Variants in TBC1D32 observed in about 807,000 individuals in gnomAD.
TBC1D32 encodes protein broad-minded.
TBC1D32 carries 151 observed loss-of-function variants against 170.3 expected under a neutral mutation model. The ratio of observed to expected loss-of-function variants is 0.89; its 90% CI spans 0.78 to 1.01. The LOEUF (loss-of-function observed/expected upper bound fraction) is 1.01. Ranked by LOEUF, TBC1D32 falls within the 50% of genes least tolerant of loss-of-function variation. The pLI is 0.00. For synonymous variants in TBC1D32, 498 were observed against 488.0 expected, an observed-to-expected ratio of 1.02 and a Z score of -0.27; for missense variants, 1,464 against 1,457.1, an observed-to-expected ratio of 1.00 and a Z score of -0.08.
chr6:121,259,233 G>C (rs1182987505), intron 15 of TBC1D32, among the ~76,000 whole-genome samples: 1 of 152,072 alleles, frequency 6.6e-6, no homozygotes, highest in Non-Finnish European at 1.5e-5. Flanking sequence ...AGGAGGTGGA[G>C]GTTGCAGTGA....
intron 22 of TBC1D32, 113 bp from the exon 23 acceptor site, chr6:121,161,169 T>A (rs899859559): frequency 2.6e-6 from 2 of 777,810 alleles, no homozygotes; most frequent in African/African-American, 3.5e-5. Context: ...TCAATCTATT[T>A]CTTTTTCTTT....
chr6:121,110,628 T>C lies in TBC1D32; in HGVS notation c.3324+1877A>G, dbSNP rs183133081. ...CTGCAGATTTGTTCATATTATCAAA[T>C]TGCATAGAAACCATCACCACAATGT... On this transcript the variant is annotated intron_variant, in intron 29 of 31. Coordinates refer to ENST00000398212, the MANE Select transcript of TBC1D32 (RefSeq NM_152730.6). 6.2e-3 allele frequency among the ~76,000 whole-genome samples: 942 copies of C among 152,128 alleles called. 2 individuals carry two copies. The highest frequency in any genetic ancestry group is 8.1e-3 in the Non-Finnish European group (554 of 67,996).
rs1307033818 is a variant in TBC1D32, at chr6:121,079,838, A to C, written c.*933T>G. 1 of 152,188 alleles carries C rather than the reference A, an allele frequency of 6.6e-6. No homozygotes were observed. The highest frequency in any genetic ancestry group is 2.4e-5 in the African/African-American group (1 of 41,470). 9.4% of individuals were successfully genotyped at this position (152,188 alleles called of 1,614,324 possible). On this transcript the variant is annotated 3_prime_UTR_variant, in exon 32 of 32. Transcript: ENST00000398212. ...GAAAATGCATAACAAATAAGAGTAG[A>C]ATGCTTATCAGTATGAAATAACCAA...
At chr6:121,328,354 C>T (rs1303714445) in intron 1 of TBC1D32, among the ~76,000 whole-genome samples, 3 of 151,946 alleles carry the variant, frequency 2.0e-5, no homozygotes, top group African/African-American at 2.4e-5. Context: ...GACGCGATCT[C>T]GGCTCTCTGC....
At chr6:121,153,247 C>A (rs1043340650) in intron 24 of TBC1D32, among the ~76,000 whole-genome samples, 1 of 152,116 alleles carries the variant, frequency 6.6e-6, no homozygotes, top group Non-Finnish European at 1.5e-5. Flanking sequence ...TTCTAACAGA[C>A]CCCTCTTCTG....
rs1440381987 is a variant in TBC1D32, at chr6:121,256,282, A to G, written c.1737T>C (p.Pro579=). Residue 579 remains proline, a synonymous_variant, in exon 16 of 32, where the codon CCT becomes CCC. Transcript: ENST00000398212. ...ACTGGGCAATTATATGAGCACCTGT[A>G]GGACTAAAAGATGATACCTGAAAGT... The part of the protein sequence containing the change: ...GANMNSSEES[P]TGAHIIAQFS... The G allele has an allele frequency of 6.2e-7, 1 of 1,607,514 alleles. No homozygotes were observed. Among genetic ancestry groups the G allele is most frequent in the South Asian group, 1.1e-5 (1 of 89,966 alleles).
intron 12 of TBC1D32, among the ~76,000 whole-genome samples, chr6:121,286,543 G>C (rs1273718789): frequency 3.3e-5 from 5 of 152,130 alleles, no homozygotes; most frequent in Non-Finnish European, 4.4e-5. Context: ...ACCTGAAAGT[G>C]ATGGGGAGAA....
intron 20 of TBC1D32, among the ~76,000 whole-genome samples, chr6:121,235,860 G>A (rs1352292545): frequency 6.6e-6 from 1 of 152,224 alleles, no homozygotes; most frequent in South Asian, 2.1e-4. Flanking sequence ...CTGAGCAGGA[G>A]CTGCAAGCTA....
At chr6:121,123,481 T>C (rs532682194) in intron 26 of TBC1D32, among the ~76,000 whole-genome samples, 95 of 152,246 alleles carry the variant, frequency 6.2e-4, no homozygotes, top group African/African-American at 1.9e-3. Flanking sequence ...TTTACCATTA[T>C]ATAATGACCT....
chr6:121,326,911 C>A (rs976892705), intron 1 of TBC1D32, among the ~76,000 whole-genome samples: 7 of 152,146 alleles, frequency 4.6e-5, no homozygotes, highest in African/African-American at 1.7e-4. Context: ...TGAACAGAGT[C>A]ATTTCTTCAA....
intron 24 of TBC1D32, among the ~76,000 whole-genome samples, chr6:121,138,913 C>T (rs1582926836): frequency 6.6e-6 from 1 of 151,246 alleles, no homozygotes; most frequent in South Asian, 2.1e-4. Context: ...AGAGCAATCT[C>T]GGCTCACTGC....
At chr6:121,317,859 A>G (rs1028859587) in intron 2 of TBC1D32, among the ~76,000 whole-genome samples, 187 bp from the exon 3 acceptor site, 4 of 152,130 alleles carry the variant, frequency 2.6e-5, no homozygotes, top group Non-Finnish European at 5.9e-5. Flanking sequence ...AAACAGCAAT[A>G]AAAATTAATA....
chr6:121,220,276 A>G (rs1341589075), intron 21 of TBC1D32, among the ~76,000 whole-genome samples: 1 of 152,228 alleles, frequency 6.6e-6, no homozygotes, highest in Non-Finnish European at 1.5e-5. Context: ...TAAGGAAATT[A>G]AAAGTGTTAC....
chr6:121,149,481 C>T (rs568005857), intron 24 of TBC1D32, among the ~76,000 whole-genome samples: 2 of 152,126 alleles, frequency 1.3e-5, no homozygotes, highest in South Asian at 2.1e-4. Flanking sequence ...CATATGGGGT[C>T]CAGTTTTCTC....
intron 24 of TBC1D32, among the ~76,000 whole-genome samples, chr6:121,139,021 T>C (rs2128223739): frequency 6.6e-6 from 1 of 152,160 alleles, no homozygotes; most frequent in Admixed American, 6.5e-5. Flanking sequence ...ATTTTTTTTG[T>C]ATTTTTAGTA....
chr6:121,159,620 C>T (rs1296911547), intron 24 of TBC1D32, among the ~76,000 whole-genome samples: 2 of 152,094 alleles, frequency 1.3e-5, no homozygotes, highest in African/African-American at 4.8e-5. Flanking sequence ...AACTCTACAC[C>T]TAGGCTACAC....
At chr6:121,147,121 T>G (rs1253369043) in intron 24 of TBC1D32, among the ~76,000 whole-genome samples, 3 of 152,234 alleles carry the variant, frequency 2.0e-5, no homozygotes, top group African/African-American at 2.4e-5. Flanking sequence ...GGCATCCAGC[T>G]GCATCCATGT....
chr6:121,235,622 G>A (rs747043960), intron 20 of TBC1D32, among the ~76,000 whole-genome samples: 1 of 152,180 alleles, frequency 6.6e-6, no homozygotes, highest in Non-Finnish European at 1.5e-5. Context: ...ACAGCACCAA[G>A]TCTATTTCCA....
intron 15 of TBC1D32, among the ~76,000 whole-genome samples, chr6:121,276,537 C>A (rs1802241758): frequency 6.6e-6 from 1 of 151,966 alleles, no homozygotes; most frequent in South Asian, 2.1e-4. Context: ...GCAAAAAATA[C>A]AGTAAATATT....
Sources: allele counts gnomAD v4.1 joint callset (sites outside exome capture counted in the v4.1 genomes callset), GRCh38; gene constraint gnomAD v4.1.1; transcripts MANE v1.5; gene names NCBI Gene and HGNC (gene_info 2026-07-23, HGNC 2026-07-21).